ROBO1: variants seen among roughly 807,000 people sequenced by gnomAD.
The protein encoded by ROBO1 is roundabout homolog 1.
A neutral mutation model predicts 195.9 loss-of-function variants in ROBO1; 149 were observed. The observed-to-expected ratio is 0.76, with a 90% CI of 0.67 to 0.87. The LOEUF is 0.87. ROBO1 is among the 40% of genes least tolerant of loss of function. The pLI is 0.00. For synonymous variants in ROBO1, 816 were observed against 733.2 expected, an observed-to-expected ratio of 1.11 and a Z score of -1.82; for missense variants, 1,933 against 2,068.3, an observed-to-expected ratio of 0.93 and a Z score of 1.27.
intron 2 of ROBO1, among the ~76,000 whole-genome samples, chr3:79,527,466 A>G (rs1941479169): frequency 6.6e-6 from 1 of 152,142 alleles, no homozygotes; most frequent in Non-Finnish European, 1.5e-5. Flanking sequence ...AAAATAAAAG[A>G]CAAGTGTTCA....
At chr3:78,717,662 A>C in intron 6 of ROBO1, 101 bp downstream of exon 6, 1 of 1,338,006 alleles carries the variant, frequency 7.5e-7, no homozygotes, top group East Asian at 2.5e-5. Context: ...CCACCCCCTA[A>C]AAATATTTGG....
At chr3:79,229,952 A>G (rs1002676016) in intron 2 of ROBO1, among the ~76,000 whole-genome samples, 1 of 152,188 alleles carries the variant, frequency 6.6e-6, no homozygotes, top group Non-Finnish European at 1.5e-5. Context: ...TCTTTCTTTC[A>G]GTATACCTAG....
chr3:78,906,708 TTTACTTAG>T (rs767866850), intron 4 of ROBO1, among the ~76,000 whole-genome samples: 18 of 136,004 alleles, frequency 1.3e-4, no homozygotes, highest in Non-Finnish European at 2.5e-4. Context: ...CCAAAGTTCT[TTTACTTAG>T]TTAATTATAT....
chr3:78,910,006 TAA>T (rs1019650610), intron 4 of ROBO1, among the ~76,000 whole-genome samples: 4 of 151,934 alleles, frequency 2.6e-5, no homozygotes, highest in African/African-American at 9.6e-5. Flanking sequence ...TTAATTAATG[TAA>T]AGTCAGACCT....
intron 3 of ROBO1, among the ~76,000 whole-genome samples, chr3:79,080,518 T>C (rs531690597): frequency 1.3e-5 from 2 of 152,196 alleles, no homozygotes; most frequent in Admixed American, 6.6e-5. Flanking sequence ...TTTCTCAATA[T>C]TTAAAATCCT....
chr3:79,537,916 CAA>C (rs1048123438), intron 2 of ROBO1, among the ~76,000 whole-genome samples: 2 of 151,644 alleles, frequency 1.3e-5, no homozygotes, highest in Non-Finnish European at 1.5e-5. Context: ...TAAAAAAACA[CAA>C]AAAAATACAC....
At chr3:78,625,512 T>C (rs1489141004) in intron 26 of ROBO1, among the ~76,000 whole-genome samples, 2 of 152,168 alleles carry the variant, frequency 1.3e-5, no homozygotes, top group Non-Finnish European at 2.9e-5. Context: ...ACTGGAAATA[T>C]TGTGGCATTC....
chr3:79,039,884 G>A (rs190439244), intron 3 of ROBO1, among the ~76,000 whole-genome samples: 166 of 148,912 alleles, frequency 1.1e-3, no homozygotes, highest in Non-Finnish European at 2.0e-3. Flanking sequence ...CAGTTTTCTC[G>A]TTTGTAAAAT....
intron 4 of ROBO1, among the ~76,000 whole-genome samples, chr3:78,932,118 T>C (rs1301493584): frequency 6.6e-6 from 1 of 152,198 alleles, no homozygotes; most frequent in Admixed American, 6.5e-5. Flanking sequence ...AGTTAGTCTA[T>C]GAATATGAGA....
chr3:78,748,747 A>C (rs2082719602), intron 4 of ROBO1, among the ~76,000 whole-genome samples: 2 of 152,022 alleles, frequency 1.3e-5, no homozygotes, highest in Admixed American at 1.3e-4. Flanking sequence ...AAAAATCCCC[A>C]TTTTCTAATC....
chr3:79,579,378 G>A (rs1288555217), intron 2 of ROBO1, among the ~76,000 whole-genome samples: 1 of 152,154 alleles, frequency 6.6e-6, no homozygotes, highest in East Asian at 1.9e-4. Context: ...TTCTTGTGAA[G>A]CAGAAATTAT....
At chr3:79,348,933 A>C (rs2035235721) in intron 2 of ROBO1, among the ~76,000 whole-genome samples, 1 of 152,216 alleles carries the variant, frequency 6.6e-6, no homozygotes, top group Non-Finnish European at 1.5e-5. Context: ...TTTAACTAAA[A>C]AAAAATCAAT....
chr3:79,031,791 A>T (rs564185384), intron 3 of ROBO1, among the ~76,000 whole-genome samples: 1 of 152,286 alleles, frequency 6.6e-6, no homozygotes, highest in South Asian at 2.1e-4. Context: ...GTAGTAGAAA[A>T]CTGAACACTT....
At chr3:78,919,806 T>G (rs2038836513) in intron 4 of ROBO1, among the ~76,000 whole-genome samples, 1 of 152,238 alleles carries the variant, frequency 6.6e-6, no homozygotes, top group African/African-American at 2.4e-5. Context: ...GCAGTTTACC[T>G]CCTTTTAGCC....
chr3:79,557,764 A>ATT (rs1559991086), intron 2 of ROBO1, among the ~76,000 whole-genome samples: 30 of 143,484 alleles, frequency 2.1e-4, no homozygotes, highest in Non-Finnish European at 3.9e-4. Context: ...ATATATATAT[A>ATT]TTTTATTGCA....
chr3:79,223,044 G>A (rs11920171), intron 2 of ROBO1, among the ~76,000 whole-genome samples: 1 of 152,046 alleles, frequency 6.6e-6, no homozygotes, highest in East Asian at 1.9e-4. Context: ...TGAGTTCTCC[G>A]GTAGGTACTA....
intron 4 of ROBO1, among the ~76,000 whole-genome samples, chr3:78,829,306 C>T (rs1390587546): frequency 6.6e-6 from 1 of 152,046 alleles, no homozygotes; most frequent in Non-Finnish European, 1.5e-5. Flanking sequence ...TATTATAACA[C>T]TGTCATTTTT....
At chr3:79,027,020 C>T (rs112787318) in intron 3 of ROBO1, among the ~76,000 whole-genome samples, 99 of 151,908 alleles carry the variant, frequency 6.5e-4, no homozygotes, top group African/African-American at 1.3e-3. Flanking sequence ...TTTGTTTATT[C>T]GGAATAATAT....
intron 2 of ROBO1, among the ~76,000 whole-genome samples, chr3:79,220,668 T>C (rs2082121916): frequency 6.6e-6 from 1 of 151,918 alleles, no homozygotes. Context: ...TGGAGTAAGA[T>C]TGGGTGACTG....
Sources: allele counts gnomAD v4.1 joint callset (sites outside exome capture counted in the v4.1 genomes callset), GRCh38; gene constraint gnomAD v4.1.1; transcripts MANE v1.5; gene names NCBI Gene and HGNC (gene_info 2026-07-23, HGNC 2026-07-21).